PPME1: variants seen among roughly 807,000 people sequenced by gnomAD.
PPME1 encodes protein phosphatase methylesterase 1.
PPME1 carries 17 observed loss-of-function variants against 56.9 expected under a neutral mutation model. The ratio of observed to expected loss-of-function variants is 0.30; its 90% CI spans 0.20 to 0.45. The LOEUF (loss-of-function observed/expected upper bound fraction) is 0.45. Among genes scored for constraint, PPME1 ranks in the 20% least tolerant of loss-of-function variants. The pLI is 1.00. For synonymous variants in PPME1, 122 were observed against 156.2 expected (o/e 0.78, Z 1.63); for missense variants, 357 against 483.2 (o/e 0.74, Z 2.45).
intron 3 of PPME1, among the ~76,000 whole-genome samples, chr11:74,221,685 A>G (rs1858804453): frequency 6.6e-6 from 1 of 152,186 alleles, no homozygotes; most frequent in South Asian, 2.1e-4. Context: ...TATTATTGTC[A>G]AAGAATCCAG....
chr11:74,253,736 C>T lies in PPME1; in HGVS notation c.*226C>T, dbSNP rs1859764204. ...GCTTCCCCAGTCCAGGGCTCCCCTG[C>T]TCCTTTCCCTTCCCTGTACTGGGGT... On this transcript the variant is annotated 3_prime_UTR_variant, in exon 14 of 14. Transcript: ENST00000328257. 6.6e-6 allele frequency: 4 copies of T among 607,060 alleles called. No homozygotes were observed. In the Admixed American group the frequency reaches 1.1e-4, roughly 17 times the overall value. 37.6% of individuals were successfully genotyped at this position (607,060 alleles called of 1,614,324 possible).
chr11:74,182,915 G>C (rs1367341901), intron 1 of PPME1, among the ~76,000 whole-genome samples: 3 of 151,812 alleles, frequency 2.0e-5, no homozygotes, highest in Non-Finnish European at 2.9e-5. Flanking sequence ...CCAACACTTT[G>C]GGAGGCTGAG....
At chr11:74,236,899 TAATC>T (rs1217621856) in intron 8 of PPME1, among the ~76,000 whole-genome samples, 2 of 152,248 alleles carry the variant, frequency 1.3e-5, no homozygotes, top group Non-Finnish European at 2.9e-5. Context: ...ATCAAATATC[TAATC>T]AATATTTACA....
rs894965277 is a variant in PPME1, at chr11:74,250,947, T to G, written c.1010-7T>G. The G allele has an allele frequency of 6.3e-7, 1 of 1,594,618 alleles. No individual in the cohort carries two copies. The highest frequency in any genetic ancestry group is 1.7e-5 in the Admixed American group (1 of 57,478). On this transcript the variant is annotated splice_polypyrimidine_tract_variant and splice_region_variant and intron_variant, in intron 11 of 13. Transcript: ENST00000328257. ...GCTGAAGTTGCCTTGCTTTGATTCC[T>G]CTCCAGGGAAGTTCCAGATGCAGGT...
intron 1 of PPME1, among the ~76,000 whole-genome samples, chr11:74,182,433 C>T (rs1429616621): frequency 6.6e-6 from 1 of 151,446 alleles, no homozygotes; most frequent in Non-Finnish European, 1.5e-5. Context: ...GATCTCGGTT[C>T]ACTGCAACCT....
intron 1 of PPME1, among the ~76,000 whole-genome samples, chr11:74,178,893 T>C (rs1314754505): frequency 6.6e-6 from 1 of 152,158 alleles, no homozygotes; most frequent in African/African-American, 2.4e-5. Flanking sequence ...AAAGACTGTT[T>C]CCTTCAAACT....
At chr11:74,235,629 G>T (rs772288788) in intron 7 of PPME1, 2 of 374,376 alleles carry the variant, frequency 5.3e-6, no homozygotes, top group African/African-American at 4.2e-5. Flanking sequence ...TCTCCCTACC[G>T]AATTATGTGC....
At chr11:74,175,175 A>G (rs939017871) in intron 1 of PPME1, among the ~76,000 whole-genome samples, 21 of 152,208 alleles carry the variant, frequency 1.4e-4, no homozygotes, top group African/African-American at 5.1e-4. Flanking sequence ...TATTAAAGCC[A>G]TTCATTATTC....
chr11:74,228,159 C>A (rs1858976185), intron 5 of PPME1, among the ~76,000 whole-genome samples: 1 of 145,270 alleles, frequency 6.9e-6, no homozygotes. Context: ...AAAAAAAAAA[C>A]AGTTTGCCCC....
intron 1 of PPME1, among the ~76,000 whole-genome samples, chr11:74,194,716 A>G (rs2135608799): frequency 6.6e-6 from 1 of 152,226 alleles, no homozygotes; most frequent in Middle Eastern, 3.4e-3. Context: ...TCCCTAATAT[A>G]AGATGTCTAT....
chr11:74,239,638 G>A (rs970902898), intron 9 of PPME1, among the ~76,000 whole-genome samples: 1 of 148,334 alleles, frequency 6.7e-6, no homozygotes, highest in Admixed American at 6.8e-5. Flanking sequence ...GTACAATGGC[G>A]CGATCTCGGC....
intron 3 of PPME1, among the ~76,000 whole-genome samples, chr11:74,209,309 C>G (rs1858410811): frequency 6.6e-6 from 1 of 152,054 alleles, no homozygotes; most frequent in Non-Finnish European, 1.5e-5. Context: ...CGCTATATTG[C>G]CCAGGTTGGT....
intron 13 of PPME1, 121 bp downstream of exon 13, chr11:74,251,836 TC>T: frequency 8.2e-7 from 1 of 1,219,044 alleles, no homozygotes; most frequent in Non-Finnish European, 1.2e-6. Context: ...ATGCCTTTCT[TC>T]CTCCTCCTCA....
intron 3 of PPME1, among the ~76,000 whole-genome samples, chr11:74,212,047 A>G (rs1276073949): frequency 6.6e-6 from 1 of 152,232 alleles, no homozygotes; most frequent in African/African-American, 2.4e-5. Context: ...AAATCAGGTG[A>G]ATGATCACAG....
chr11:74,251,446 G>A, intron 12 of PPME1: 2 of 1,418,932 alleles, frequency 1.4e-6, no homozygotes, highest in Non-Finnish European at 1.8e-6. Context: ...TGAGCTCTAT[G>A]GAGCTATCCC....
chr11:74,186,873 A>G (rs1434919548), intron 1 of PPME1, among the ~76,000 whole-genome samples: 1 of 152,166 alleles, frequency 6.6e-6, no homozygotes, highest in Non-Finnish European at 1.5e-5. Flanking sequence ...AGAGTTTTCT[A>G]GTTTTGGCTC....
intron 1 of PPME1, among the ~76,000 whole-genome samples, chr11:74,196,312 A>G (rs1366442309): frequency 6.6e-6 from 1 of 152,202 alleles, no homozygotes; most frequent in Non-Finnish European, 1.5e-5. Context: ...TGTTGTATCT[A>G]AGAAATTGTT....
At chr11:74,222,997 T>C (rs1858838491) in intron 4 of PPME1, among the ~76,000 whole-genome samples, 1 of 151,986 alleles carries the variant, frequency 6.6e-6, no homozygotes, top group South Asian at 2.1e-4. Context: ...ATTGTGCAGG[T>C]TAGTTACATA....
intron 3 of PPME1, among the ~76,000 whole-genome samples, chr11:74,215,118 GA>G (rs1858594807): frequency 3.9e-5 from 6 of 152,216 alleles, no homozygotes; most frequent in Admixed American, 1.3e-4. Context: ...GGCCGAGGTG[GA>G]CAGATTGCTT....
Sources: gnomAD v4.1 joint callset for allele counts (sites outside exome capture counted in the v4.1 genomes callset) on GRCh38, gnomAD v4.1.1 for gene constraint, MANE v1.5 for transcripts, NCBI Gene and HGNC (gene_info 2026-07-23, HGNC 2026-07-21) for gene names.